Variants in FBN1 observed in about 807,000 individuals in gnomAD.
FBN1 encodes fibrillin 1, also known as fibrillin-1.
FBN1 carries 29 observed loss-of-function variants against 365.1 expected under a neutral mutation model. That is an observed-to-expected ratio of 0.08 (90% CI 0.06 to 0.11). The LOEUF is 0.11. Among genes scored for constraint, FBN1 ranks in the 10% least tolerant of loss-of-function variants. FBN1 has a pLI of 1.00. For synonymous variants in FBN1, 1,210 were observed against 1,270.5 expected, an observed-to-expected ratio of 0.95 and a Z score of 1.01; for missense variants, 2,476 against 3,703.2, an observed-to-expected ratio of 0.67 and a Z score of 8.60.
intron 9 of FBN1, among the ~76,000 whole-genome samples, chr15:48,523,421 T>C (rs1452221139): frequency 2.6e-5 from 4 of 152,180 alleles, no homozygotes; most frequent in African/African-American, 9.7e-5. Context: ...ATGGTGAATG[T>C]TGGGGGTAAA....
rs1449434904 is a variant in FBN1 at position 48,556,938 on chromosome 15, T to TA, written c.539-19131dup. Among the ~76,000 whole-genome samples, 3 of 152,296 alleles carry TA rather than the reference T, an allele frequency of 2.0e-5. No homozygotes were observed. The East Asian group carries it at 5.8e-4, about 29-fold the overall frequency. On this transcript the variant is annotated intron_variant, in intron 6 of 65. Transcript: ENST00000316623. ...TGATTTAATTCAAGAAAAAGCTTCT[T>TA]AAAGTAACGCGAAACATCCTGAATC...
chr15:48,563,496 C>A (rs2044239208), intron 6 of FBN1, among the ~76,000 whole-genome samples: 1 of 152,118 alleles, frequency 6.6e-6, no homozygotes, highest in South Asian at 2.1e-4. Flanking sequence ...CATATTTCAC[C>A]AGGTGAACCA....
At chr15:48,564,639 T>A (rs2044246825) in intron 6 of FBN1, among the ~76,000 whole-genome samples, 1 of 152,098 alleles carries the variant, frequency 6.6e-6, no homozygotes, top group East Asian at 1.9e-4. Context: ...ATATTTATAG[T>A]TGCACAACTA....
chr15:48,472,337 A>G (rs1002686444), intron 35 of FBN1, among the ~76,000 whole-genome samples: 1 of 152,170 alleles, frequency 6.6e-6, no homozygotes, highest in Non-Finnish European at 1.5e-5. Flanking sequence ...GGCTGGATGT[A>G]CAGCTTGTGG....
chr15:48,408,453 G>A lies in FBN1; in HGVS notation c.*2537C>T, dbSNP rs1372229158. On this transcript the variant is annotated 3_prime_UTR_variant, in exon 66 of 66. Coordinates refer to ENST00000316623, the MANE Select transcript of FBN1 (RefSeq NM_000138.5). ...GTTGAACAAAAATGTAGTTGTTTGT[G>A]CAAGTTTAAACATTTCACAAGGCCA... 1 of 152,596 alleles carries A rather than the reference G, an allele frequency of 6.6e-6. No homozygotes were observed. The highest frequency in any genetic ancestry group is 2.1e-4 in the South Asian group (1 of 4,828). The allele number at this position is 152,596 out of a possible 1,614,324, so 9.5% of individuals were successfully genotyped here. A position where few individuals can be genotyped will look rare whatever the true frequency, so the allele number is the denominator to read the frequency against.
At chr15:48,516,134 T>A (rs2043798341) in intron 11 of FBN1, 49 bp downstream of exon 11, 1 of 1,516,056 alleles carries the variant, frequency 6.6e-7, no homozygotes, top group Non-Finnish European at 9.1e-7. Context: ...AAAAAAATGT[T>A]AACTTGAACA....
chr15:48,420,527 G>C (rs1365785380), intron 63 of FBN1, among the ~76,000 whole-genome samples, 160 bp downstream of exon 63: 1 of 152,082 alleles, frequency 6.6e-6, no homozygotes, highest in African/African-American at 2.4e-5. Flanking sequence ...TTGCTGTTTT[G>C]CAAAGACTGT....
chr15:48,501,179 G>A (rs902402232), intron 17 of FBN1, among the ~76,000 whole-genome samples: 1 of 152,170 alleles, frequency 6.6e-6, no homozygotes, highest in Admixed American at 6.5e-5. Flanking sequence ...AAGTTCATGT[G>A]CTGGAAACTT....
Position 48,452,597 on chromosome 15 carries a change from G to C in FBN1, c.5510C>G (p.Pro1837Arg), listed in dbSNP as rs752008146. The C allele has an allele frequency of 3.1e-6, 5 of 1,614,154 alleles. No homozygotes were observed. The highest frequency in any genetic ancestry group is 4.2e-6 in the Non-Finnish European group (5 of 1,180,000). Residue 1837 changes from proline (P) to arginine (R), a missense_variant, in exon 45 of 66, where the codon CCC becomes CGC. Around this residue, in one of 5 missense-constraint regions of FBN1, gnomAD observed 1,780 missense variants for 2,840.8 expected, o/e 0.63. Coordinates refer to ENST00000316623, the MANE Select transcript of FBN1 (RefSeq NM_000138.5). ...TCCTGTGGAGGTGAAGCGGTAGCCG[G>C]GCTTACAGTCACAGCGGTAGCTGCC... The part of the protein sequence containing the change: ...TAGSYRCDCK[P>R]GYRFTSTGQC...
rs537386502 is a variant in FBN1 at position 48,536,872 on chromosome 15, A to T, written c.736+739T>A. ...ATCCTGAAGTTTCTGAAAATATTGC[A>T]ACTTGCTATAAAAAGTCCTGAGGCT... is the stretch of plus-strand genomic sequence containing the variant. On this transcript the variant is annotated intron_variant, in intron 7 of 65. Transcript: ENST00000316623. Among the ~76,000 whole-genome samples, 7 of 152,348 alleles carry T rather than the reference A, an allele frequency of 4.6e-5. 1 individual carries two copies. The highest frequency in any genetic ancestry group is 1.7e-4 in the African/African-American group (7 of 41,574).
At chr15:48,515,292 TG>T (rs1335263480) in intron 12 of FBN1, 94 bp downstream of exon 12, 1 of 1,405,186 alleles carries the variant, frequency 7.1e-7, no homozygotes, top group Admixed American at 1.7e-5. Context: ...CCACCAAGTT[TG>T]GGGTAAGTTG....
chr15:48,430,726 A>G lies in FBN1; in HGVS notation c.6816T>C (p.Tyr2272=). 2.5e-6 allele frequency: 4 copies of G among 1,613,910 alleles called. No homozygotes were observed. Among genetic ancestry groups the G allele is most frequent in the Non-Finnish European group, 2.5e-6 (3 of 1,179,854 alleles). Residue 2272 remains tyrosine, a synonymous_variant, in exon 56 of 66, where the codon TAT becomes TAC. Transcript: ENST00000316623. ...QMECKNLIGT[Y]MCICGPGYQR... ...GATACCCGGGTCCACAGATGCACAT[A>G]TATGTGCCAATGAGGTTCTTGCATT...
chr15:48,603,275 T>C (rs1479083569), intron 4 of FBN1, among the ~76,000 whole-genome samples: 1 of 152,230 alleles, frequency 6.6e-6, no homozygotes, highest in African/African-American at 2.4e-5. Context: ...AGGAACCATA[T>C]GCATGAATCC....
chr15:48,535,438 A>G (rs2044005784), intron 7 of FBN1, among the ~76,000 whole-genome samples: 1 of 152,224 alleles, frequency 6.6e-6, no homozygotes, highest in South Asian at 2.1e-4. Context: ...CAGGAGCAAA[A>G]TTAATCATTT....
At chr15:48,625,501 T>C (rs567231592) in intron 2 of FBN1, among the ~76,000 whole-genome samples, 110 of 152,192 alleles carry the variant, frequency 7.2e-4, no homozygotes, top group Non-Finnish European at 1.4e-3. Flanking sequence ...CAGCCCAGGC[T>C]TGACACCCTT....
intron 7 of FBN1, among the ~76,000 whole-genome samples, chr15:48,535,619 G>C (rs1250637816): frequency 2.0e-5 from 3 of 152,158 alleles, no homozygotes; most frequent in African/African-American, 7.2e-5. Context: ...TCTTCATTGA[G>C]TAAAGAAAAA....
Position 48,503,771 on chromosome 15 carries a change from C to T in FBN1, c.2113+16G>A. ...GAAGGCTGGCAGTACGAGGGCATCT[C>T]CATGATACCACATACCTGAATTCTG... On this transcript the variant is annotated intron_variant, in intron 17 of 65. Transcript: ENST00000316623. 1 of 1,613,412 alleles carries T rather than the reference C, an allele frequency of 6.2e-7. No individual in the cohort carries two copies. Among genetic ancestry groups the T allele is most frequent in the Non-Finnish European group, 8.5e-7 (1 of 1,179,888 alleles).
chr15:48,481,016 A>G (rs1334876914), intron 32 of FBN1, among the ~76,000 whole-genome samples: 1 of 152,180 alleles, frequency 6.6e-6, no homozygotes, highest in Non-Finnish European at 1.5e-5. Context: ...AACTTCTTCC[A>G]TTTGGCATTT....
At chr15:48,599,807 T>C (rs368675732) in intron 5 of FBN1, among the ~76,000 whole-genome samples, 6 of 152,174 alleles carry the variant, frequency 3.9e-5, no homozygotes, top group African/African-American at 1.4e-4. Context: ...AGTGTTGAAG[T>C]TCAGCAAGTG....
Sources: gnomAD v4.1 joint callset for allele counts (sites outside exome capture counted in the v4.1 genomes callset) on GRCh38, gnomAD v4.1.1 for gene constraint, gnomAD v4.1.1 regional missense constraint, MANE v1.5 for transcripts, NCBI Gene and HGNC (gene_info 2026-07-23, HGNC 2026-07-21) for gene names.